SLC25A41: variants seen among roughly 807,000 people sequenced by gnomAD.
The protein encoded by SLC25A41 is mitochondrial carrier protein SCaMC-3L.
In SLC25A41, 35 loss-of-function variants were observed where a neutral mutation model predicts 34.7. The observed-to-expected ratio is 1.01, with a 90% CI of 0.77 to 1.34. The LOEUF (loss-of-function observed/expected upper bound fraction) is 1.34, where lower values mean the gene tolerates loss of function less well. Ranked by LOEUF, SLC25A41 falls within the 40% of genes most tolerant of loss-of-function variation. The probability of loss-of-function intolerance (pLI) is 0.00; values close to 1 mark genes in which losing one functional copy is unlikely to be tolerated. For synonymous variants in SLC25A41, 190 were observed against 209.9 expected, an observed-to-expected ratio of 0.91 and a Z score of 0.82; for missense variants, 492 against 489.8, an observed-to-expected ratio of 1.00 and a Z score of -0.04.
At position 6,433,605 on chromosome 19, in the gene SLC25A41, G is replaced by A. The variant is rs370314129; in HGVS notation, c.89C>T (p.Pro30Leu). 204 of 1,612,190 alleles carry A rather than the reference G, an allele frequency of 1.3e-4. No homozygotes were observed. Among genetic ancestry groups the A allele is most frequent in the South Asian group, 1.7e-4 (15 of 90,794 alleles). ...TGGAGGCGGAGGTTGGGGGGGAGGC[G>A]GGGCTTTGATGAGTAAGGTCTTGAC... ...RRVKTLLIKA[P>L]PPPQPPPPPP... Residue 30 changes from proline to leucine, a missense_variant, in exon 1 of 7, where the codon CCG becomes CTG. Pro to Leu is a moderately conservative substitution (Grantham distance 98, BLOSUM62 -3). Coordinates refer to ENST00000321510, the MANE Select transcript of SLC25A41 (RefSeq NM_173637.4).
chr19:6,428,233 A>G (rs556140391), intron 4 of SLC25A41, among the ~76,000 whole-genome samples: 179 of 152,204 alleles, frequency 1.2e-3, no homozygotes, highest in Non-Finnish European at 3.1e-4. Flanking sequence ...CCTGGGCAAC[A>G]TGGCGAAACC....
chr19:6,429,132 A>T (rs1432774810), intron 4 of SLC25A41, among the ~76,000 whole-genome samples: 1 of 6,314 alleles, frequency 1.6e-4, no homozygotes, highest in African/African-American at 8.0e-4. Context: ...TATATATGTT[A>T]TATATATATA....
chr19:6,426,568 G>A lies in SLC25A41; in HGVS notation c.941-7C>T. 6.2e-7 allele frequency: 1 copy of A among 1,611,386 alleles called. No individual in the cohort carries two copies. The highest frequency in any genetic ancestry group is 8.5e-7 in the Non-Finnish European group (1 of 1,178,934). ...TTTGAGCCCTCCACGGTATCTGCAG[G>A]GACACAGGCAAGATCAGGACTAGGC... On this transcript the variant is annotated splice_polypyrimidine_tract_variant and splice_region_variant and intron_variant, in intron 6 of 6. Coordinates refer to ENST00000321510, the MANE Select transcript of SLC25A41 (RefSeq NM_173637.4).
At chr19:6,432,473 ATTTTTTTTTTT>A (rs34519561) in intron 1 of SLC25A41, among the ~76,000 whole-genome samples, 25 of 80,978 alleles carry the variant, frequency 3.1e-4, no homozygotes, top group African/African-American at 1.1e-3. Flanking sequence ...ACAACACCTA[ATTTTTTTTTTT>A]TTTTTTTTTT....
Position 6,426,491 on chromosome 19 carries a change from T to C in SLC25A41, c.1011A>G (p.Leu337=). Residue 337 remains leucine, a synonymous_variant, in exon 7 of 7, where the codon CTA becomes CTG. Transcript: ENST00000321510. ...TGGGGGTCATGCCTCGGTACAGCCC[T>C]AGCCAGCCCTGCTGGGCCAGGATCC... ...LQRILAQQGW[L]GLYRGMTPTL... is the part of the protein sequence containing the mutation. The C allele has an allele frequency of 2.5e-6, 4 of 1,613,616 alleles. No homozygotes were observed. Among genetic ancestry groups the C allele is most frequent in the Non-Finnish European group, 3.4e-6 (4 of 1,179,836 alleles).
At position 6,430,124 on chromosome 19, in the gene SLC25A41, C is replaced by A; in HGVS notation, c.401G>T (p.Gly134Val). ...SSKTNFTNLL[G>V]GLQSMVQEGG... ...CTCCTGGACCATGCTCTGTAGCCCC[C>A]CCAGCAGGTTGGTGAAGTTCGTCTT... Residue 134 changes from glycine (G) to valine (V), a missense_variant, in exon 3 of 7, where the codon GGG becomes GTG. By Grantham distance (109) the Gly-to-Val change is moderately radical (BLOSUM62 -3). Transcript: ENST00000321510. 1 of 1,613,232 alleles carries A rather than the reference C, an allele frequency of 6.2e-7. No homozygotes were observed. The highest frequency in any genetic ancestry group is 8.5e-7 in the Non-Finnish European group (1 of 1,179,544).
rs191002996 is a variant in SLC25A41 at position 6,427,470 on chromosome 19, G to A, written c.656C>T (p.Thr219Met). The part of the protein sequence containing the change: ...VLKTRLTLRR[T>M]GQYKGLLDCA... ...GTCCAGCAGCCCCTTGTACTGGCCC[G>A]TCCGACGCAAGGTCAACCGCGTCTT... The change falls in exon 5 of 7, where the codon ACG becomes ATG. Residue 219 changes from threonine to methionine, a missense_variant. Coordinates refer to ENST00000321510, the MANE Select transcript of SLC25A41 (RefSeq NM_173637.4). This position sits in a 1 kb window ranked among gnomAD's most constrained non-coding sequence, Gnocchi z 4.9. 7.0e-6 allele frequency: 11 copies of A among 1,571,982 alleles called. 1 individual carries two copies. Among genetic ancestry groups the A allele is most frequent in the South Asian group, 2.3e-5 (2 of 87,054 alleles).
At chr19:6,432,269 T>G in intron 1 of SLC25A41, 65 bp from the exon 2 acceptor site, 2 of 1,541,358 alleles carry the variant, frequency 1.3e-6, no homozygotes, top group Non-Finnish European at 1.8e-6. Context: ...CAGACACACA[T>G]CTAGGGCACC....
chr19:6,427,244 G>A lies in SLC25A41; in HGVS notation c.799C>T (p.Gln267Ter), dbSNP rs763150443. ...CTDLAVYEML[Q>*]CFWVKSGRDM... ...CTGCCTGACTTCACCCAGAAGCACT[G>A]GAGCATCTGCAAGAGAAGGGGGCCA... Residue 267 changes from glutamine to a stop codon, truncating the protein, a stop_gained, in exon 6 of 7, where the codon CAG (glutamine) becomes TAG (stop). Coordinates refer to ENST00000321510, the MANE Select transcript of SLC25A41 (RefSeq NM_173637.4). LOFTEE classifies it high-confidence loss of function. This position sits in a 1 kb window ranked among gnomAD's most constrained non-coding sequence, Gnocchi z 4.9. 7.4e-6 allele frequency: 12 copies of A among 1,612,624 alleles called. No individual in the cohort carries two copies. In the East Asian group the frequency reaches 2.7e-4, roughly 36 times the overall value.
chr19:6,429,049 T>TAACA, intron 4 of SLC25A41, among the ~76,000 whole-genome samples: 1 of 37,376 alleles, frequency 2.7e-5, no homozygotes, highest in South Asian at 4.8e-4. Context: ...AATATATATA[T>TAACA]TATATATATG....
At chr19:6,434,116 T>G (rs2092297813), upstream of SLC25A41, among the ~76,000 whole-genome samples, 1 of 152,134 alleles carries the variant, frequency 6.6e-6, no homozygotes. Context: ...GCTAATTTTT[T>G]TATTTTTTAG....
rs957513967 is a variant in SLC25A41 at position 6,427,924 on chromosome 19, A to T, written c.625-423T>A. 2.6e-5 allele frequency among the ~76,000 whole-genome samples: 4 copies of T among 152,184 alleles called. No individual in the cohort carries two copies. The highest frequency in any genetic ancestry group is 9.7e-5 in the African/African-American group (4 of 41,444). The stretch of plus-strand genomic sequence containing the variant: ...GAATAACAGGGAAGGGAGGCGAGAA[A>T]ACATGCCCTCAAGCCTCAAAAATTG... On this transcript the variant is annotated intron_variant, in intron 4 of 6. Transcript: ENST00000321510. This position sits in a 1 kb window ranked among gnomAD's most constrained non-coding sequence, Gnocchi z 4.9.
intron 4 of SLC25A41, 103 bp downstream of exon 4, chr19:6,429,621 G>A: frequency 1.3e-6 from 1 of 747,090 alleles, no homozygotes; most frequent in Non-Finnish European, 2.1e-6. Flanking sequence ...AAAAAAGGAG[G>A]AGAAAGGAGG....
In SLC25A41 at chr19:6,433,679, A is replaced by C. The variant is rs1323983153; in HGVS notation, c.15T>G (p.Pro5=). MGAQ[P]GEPQNTCSRI... ...TAGAGCAAGTGTTCTGAGGTTCCCCAGGCTGAGCGCCCATGGAGGAAGTTA... is the reference window on the plus strand; with the variant it reads ...TAGAGCAAGTGTTCTGAGGTTCCCCCGGCTGAGCGCCCATGGAGGAAGTTA... The change falls in exon 1 of 7, where the codon CCT becomes CCG. Residue 5 remains proline, a synonymous_variant. Coordinates refer to ENST00000321510, the MANE Select transcript of SLC25A41 (RefSeq NM_173637.4). 6.4e-7 allele frequency: 1 copy of C among 1,565,634 alleles called. No homozygotes were observed. The highest frequency in any genetic ancestry group is 1.2e-5 in the South Asian group (1 of 84,368).
At chr19:6,432,510 A>T (rs2092290339) in intron 1 of SLC25A41, among the ~76,000 whole-genome samples, 1 of 110,392 alleles carries the variant, frequency 9.1e-6, no homozygotes, top group Non-Finnish European at 1.7e-5. Context: ...TTTAGTAGAG[A>T]TGGGTTTCAC....
intron 3 of SLC25A41, 27 bp from the exon 4 acceptor site, chr19:6,429,858 G>C (rs1207246029): frequency 1.9e-6 from 3 of 1,606,818 alleles, no homozygotes; most frequent in Non-Finnish European, 2.6e-6. Flanking sequence ...GAGGGTGAGA[G>C]AGAAGTCAGC....
chr19:6,433,807 T>A, upstream of SLC25A41: 36 of 851,096 alleles, frequency 4.2e-5, no homozygotes, highest in Non-Finnish European at 5.9e-5. Flanking sequence ...GAGGATGAAG[T>A]CACAAACGCC....
In SLC25A41 at chr19:6,427,621, G is replaced by T; in HGVS notation, c.625-120C>A. 1 of 1,142,330 alleles carries T rather than the reference G, an allele frequency of 8.8e-7. No individual in the cohort carries two copies. The highest frequency in any genetic ancestry group is 1.2e-6 in the Non-Finnish European group (1 of 847,004). 70.8% of individuals were successfully genotyped at this position (1,142,330 alleles called of 1,614,324 possible). ...GAGGCTCAGGAAGGCAAAGAGCTGGGTTTCAGACCCGGATCTGTCAGATTC... is the reference window on the plus strand; with the variant it reads ...GAGGCTCAGGAAGGCAAAGAGCTGGTTTTCAGACCCGGATCTGTCAGATTC... On this transcript the variant is annotated intron_variant, in intron 4 of 6. Coordinates refer to ENST00000321510, the MANE Select transcript of SLC25A41 (RefSeq NM_173637.4). This position sits in a 1 kb window ranked among gnomAD's most constrained non-coding sequence, Gnocchi z 4.9.
At chr19:6,426,645 A>C (rs1349264988) in intron 6 of SLC25A41, 84 bp from the exon 7 acceptor site, 2 of 1,503,154 alleles carry the variant, frequency 1.3e-6, no homozygotes, top group African/African-American at 2.8e-5. Context: ...CAGGTGCTGA[A>C]GCCACGGGTA....
Sources: allele counts gnomAD v4.1 joint callset (sites outside exome capture counted in the v4.1 genomes callset), GRCh38; gene constraint gnomAD v4.1.1; non-coding constraint Gnocchi (gnomAD v3.1); transcripts MANE v1.5; gene names NCBI Gene and HGNC (gene_info 2026-07-23, HGNC 2026-07-21).